The following CEP135 variants were observed in gnomAD, a reference collection of about 807,000 sequenced individuals.
CEP135 encodes centrosomal protein of 135 kDa.
In CEP135, 142 loss-of-function variants were observed where a neutral mutation model predicts 157.3. That is an observed-to-expected ratio of 0.90 (90% CI 0.79 to 1.04). The LOEUF is 1.04. Among genes scored for constraint, CEP135 ranks in the 50% least tolerant of loss-of-function variants. The pLI, the probability that CEP135 is intolerant of heterozygous loss-of-function variation, is 0.00. For synonymous variants in CEP135, 396 were observed against 439.8 expected (o/e 0.90, Z 1.25); for missense variants, 1,317 against 1,309.2 (o/e 1.01, Z -0.09).
chr4:56,008,807 T>G (rs750271017), intron 18 of CEP135, among the ~76,000 whole-genome samples: 10 of 152,246 alleles, frequency 6.6e-5, no homozygotes, highest in Admixed American at 6.5e-5. Flanking sequence ...AGTCACTTAT[T>G]ATATTTATTT....
intron 6 of CEP135, chr4:55,960,414 A>G (rs1728641346): frequency 6.6e-6 from 1 of 152,112 alleles, no homozygotes. Context: ...TCTTTTCATA[A>G]TTTCTATTGA....
intron 15 of CEP135, among the ~76,000 whole-genome samples, chr4:55,996,026 G>A (rs1052568203): frequency 6.6e-6 from 1 of 152,156 alleles, no homozygotes; most frequent in African/African-American, 2.4e-5. Flanking sequence ...ATATATATTA[G>A]TTGTTTTACT....
At chr4:55,994,209 A>G (rs976987664) in intron 15 of CEP135, among the ~76,000 whole-genome samples, 1 of 152,182 alleles carries the variant, frequency 6.6e-6, no homozygotes. Flanking sequence ...TACCCCTTTG[A>G]TCACATCATG....
At chr4:55,989,881 A>G (rs1729727875) in intron 14 of CEP135, among the ~76,000 whole-genome samples, 1 of 152,158 alleles carries the variant, frequency 6.6e-6, no homozygotes, top group Non-Finnish European at 1.5e-5. Flanking sequence ...GCAAAGGCAT[A>G]CCCTATGAGC....
chr4:55,974,521 G>C (rs1459968828), intron 10 of CEP135, among the ~76,000 whole-genome samples: 2 of 152,130 alleles, frequency 1.3e-5, no homozygotes, highest in Non-Finnish European at 2.9e-5. Context: ...AAAGCAGGGA[G>C]ACTTGGACCT....
chr4:56,009,860 G>T lies in CEP135; in HGVS notation c.2462G>T (p.Arg821Ile), dbSNP rs772769302. The change falls in exon 19 of 26, where the codon AGA (arginine) becomes ATA (isoleucine). Residue 821 changes from arginine (R) to isoleucine (I), a missense_variant. Arg to Ile is a moderately conservative substitution (Grantham distance 97). Transcript: ENST00000257287. ...RSREIAFKENRRLQDDLATMA... is the reference protein window; with the variant it reads ...RSREIAFKENIRLQDDLATMA... The stretch of plus-strand genomic sequence containing the variant: ...AGAGAAATCGCTTTTAAGGAAAACA[G>T]AAGACTGCAAGATGACCTGGCTACA... 6.2e-7 allele frequency: 1 copy of T among 1,613,888 alleles called. No individual in the cohort carries two copies. Among genetic ancestry groups the T allele is most frequent in the Admixed American group, 1.7e-5 (1 of 59,970 alleles).
intron 6 of CEP135, among the ~76,000 whole-genome samples, chr4:55,962,682 AC>A (rs1728718813): frequency 9.1e-6 from 1 of 109,696 alleles, no homozygotes; most frequent in African/African-American, 4.0e-5. Flanking sequence ...GCTCTTTGAA[AC>A]TTCTTCCATG....
chr4:55,968,040 A>G (rs1728898688), intron 8 of CEP135, among the ~76,000 whole-genome samples: 1 of 152,230 alleles, frequency 6.6e-6, no homozygotes, highest in Non-Finnish European at 1.5e-5. Flanking sequence ...AGAAACCAGA[A>G]CTAATAAACT....
At position 56,011,466 on chromosome 4, in the gene CEP135, A is replaced by T. The variant is rs1381909278; in HGVS notation, c.2560A>T (p.Arg854Ter). ...AVQEKEEMKSRVHKYITEVSR... is the reference protein window; with the variant it reads ...AVQEKEEMKS ...GCAAGAAAAAGAAGAAATGAAGAGC[A>T]GAGTTCATAAATACATAACAGAGGT... Residue 854 changes from arginine (R) to a stop codon, truncating the protein, a stop_gained, in exon 20 of 26, where the codon AGA (arginine) becomes TGA (stop). Coordinates refer to ENST00000257287, the MANE Select transcript of CEP135 (RefSeq NM_025009.5). LOFTEE classifies it high-confidence loss of function. The T allele has an allele frequency of 6.2e-7, 1 of 1,612,872 alleles. No homozygotes were observed. The highest frequency in any genetic ancestry group is 1.7e-5 in the Admixed American group (1 of 59,798).
At position 55,999,262 on chromosome 4, in the gene CEP135, G is replaced by A. The variant is rs375766757; in HGVS notation, c.2010-40G>A. The A allele has an allele frequency of 2.8e-6, 4 of 1,413,572 alleles. No individual in the cohort carries two copies. In the South Asian group the frequency reaches 4.9e-5, roughly 17 times the overall value. 87.6% of individuals were successfully genotyped at this position (1,413,572 alleles called of 1,614,324 possible). The stretch of plus-strand genomic sequence containing the variant: ...ATTTTTTAAACGTATTTCTATGAGA[G>A]ATAAAGAATACCATTTGTTTTTGTC... On this transcript the variant is annotated intron_variant, in intron 15 of 25. Transcript: ENST00000257287.
rs187918958 is a variant in CEP135, at chr4:55,969,139, G to C, written c.1110+11G>C. The stretch of plus-strand genomic sequence containing the variant: ...GCAAAACTTCAGCTGGTAAGTTGAT[G>C]TCATGTTGAATTGCCAGCATTTTCA... On this transcript the variant is annotated intron_variant, in intron 9 of 25. Coordinates refer to ENST00000257287, the MANE Select transcript of CEP135 (RefSeq NM_025009.5). 3.1e-6 allele frequency: 5 copies of C among 1,609,850 alleles called. No individual in the cohort carries two copies. Among genetic ancestry groups the C allele is most frequent in the Non-Finnish European group, 4.2e-6 (5 of 1,178,384 alleles).
At chr4:55,988,488 C>T (rs1326481572) in intron 14 of CEP135, among the ~76,000 whole-genome samples, 1 of 152,028 alleles carries the variant, frequency 6.6e-6, no homozygotes, top group Non-Finnish European at 1.5e-5. Context: ...GGTCAAACTC[C>T]ATCTCTACTA....
At chr4:55,951,066 AT>A (rs377074311) in intron 1 of CEP135, among the ~76,000 whole-genome samples, 19 of 152,320 alleles carry the variant, frequency 1.2e-4, no homozygotes, top group African/African-American at 4.3e-4. Context: ...TGTTTTTGAG[AT>A]TCATCCATGC....
intron 6 of CEP135, among the ~76,000 whole-genome samples, chr4:55,962,683 CT>C (rs55740720): frequency 0.47 from 70,871 of 149,472 alleles, 17,289 homozygotes; most frequent in African/African-American, 0.59. Flanking sequence ...CTCTTTGAAA[CT>C]TCTTCCATGA....
intron 1 of CEP135, among the ~76,000 whole-genome samples, chr4:55,949,760 C>T (rs1053664882): frequency 1.1e-4 from 16 of 152,316 alleles, no homozygotes; most frequent in Non-Finnish European, 2.2e-4. Context: ...AGAGTATAGC[C>T]ACCATATTTG....
At chr4:55,999,997 C>A in intron 17 of CEP135, among the ~76,000 whole-genome samples, 1 of 152,044 alleles carries the variant, frequency 6.6e-6, no homozygotes, top group East Asian at 1.9e-4. Flanking sequence ...CAAGACAAGC[C>A]TGGGCCACGT....
intron 25 of CEP135, among the ~76,000 whole-genome samples, chr4:56,030,119 C>G (rs1008344610): frequency 6.6e-6 from 1 of 152,146 alleles, no homozygotes; most frequent in Non-Finnish European, 1.5e-5. Context: ...TCATCAATAT[C>G]ACTGTCTCCT....
intron 12 of CEP135, 38 bp from the exon 13 acceptor site, chr4:55,981,189 A>G (rs368989192): frequency 1.5e-4 from 224 of 1,536,574 alleles, no homozygotes; most frequent in Non-Finnish European, 1.9e-4. Context: ...ATCTTTTACT[A>G]AAGTGCCTTT....
chr4:55,962,002 A>G (rs977113506), intron 6 of CEP135, among the ~76,000 whole-genome samples: 2 of 152,086 alleles, frequency 1.3e-5, no homozygotes, highest in Non-Finnish European at 2.9e-5. Flanking sequence ...TTTAACAAGT[A>G]CTTATATAAC....
Sources: gnomAD v4.1 joint callset for allele counts (sites outside exome capture counted in the v4.1 genomes callset) on GRCh38, gnomAD v4.1.1 for gene constraint, MANE v1.5 for transcripts, NCBI Gene and HGNC (gene_info 2026-07-23, HGNC 2026-07-21) for gene names.